Variants in CEACAM19 observed in about 807,000 individuals in gnomAD.
CEACAM19 encodes the protein cell adhesion molecule CEACAM19.
CEACAM19 carries 37 observed loss-of-function variants against 37.6 expected under a neutral mutation model. That is an observed-to-expected ratio of 0.98 (90% confidence interval 0.76 to 1.29). The LOEUF (loss-of-function observed/expected upper bound fraction) is 1.29, where lower values mean the gene tolerates loss of function less well. Among genes scored for constraint, CEACAM19 ranks in the 50% most tolerant of loss-of-function variants. CEACAM19 has a pLI of 0.00. For missense variants in CEACAM19, 340 were observed against 375.6 expected (o/e 0.91, Z 0.78); for synonymous variants, 140 against 149.8 (o/e 0.93, Z 0.48).
chr19:44,679,030 T>G, intron 4 of CEACAM19, 94 bp downstream of exon 4: 1 of 1,545,036 alleles, frequency 6.5e-7, no homozygotes, highest in Non-Finnish European at 8.8e-7. Context: ...TCTCACTCTG[T>G]TGCCAAGGTT....
chr19:44,681,106 G>T, intron 5 of CEACAM19, 121 bp from the exon 6 acceptor site: 1 of 711,648 alleles, frequency 1.4e-6, no homozygotes, highest in Non-Finnish European at 2.4e-6. Context: ...ACTGGGTTTG[G>T]CTAGAAGAAG....
rs761169127 is a variant in CEACAM19, at chr19:44,671,909, T to C, written c.-23T>C. ...CCTTAGTGTCCAGCTCGTGGCCCCT[T>C]GGCATTTCCACAAGACGCCAAGATG... On this transcript the variant is annotated 5_prime_UTR_variant, in exon 1 of 8. Coordinates refer to ENST00000358777, the MANE Select transcript of CEACAM19 (RefSeq NM_001127893.3). The C allele has an allele frequency of 3.1e-6, 5 of 1,597,380 alleles. No individual in the cohort carries two copies. The South Asian group carries it at 5.6e-5, about 18-fold the overall frequency.
chr19:44,666,286 G>A (rs1973713296), intron 1 of CEACAM19: 1 of 152,216 alleles, frequency 6.6e-6, no homozygotes, highest in Non-Finnish European at 1.5e-5. Flanking sequence ...CAGAATAGCT[G>A]GCTTTGCTTA....
Position 44,672,618 on chromosome 19 carries a change from G to GC in CEACAM19, c.79dup (p.Leu27ProfsTer103), listed in dbSNP as rs1451903708. On this transcript the variant is annotated frameshift_variant, in exon 2 of 8. Coordinates refer to ENST00000358777, the MANE Select transcript of CEACAM19 (RefSeq NM_001127893.3). LOFTEE classifies it high-confidence loss of function. ...CAGCCTCAATCCTGGTCCTCTGGAT[G>GC]CTCCAAGGCTCCCAGGCAGCTCTCT... The GC allele has an allele frequency of 1.4e-6, 2 of 1,475,022 alleles. No individual in the cohort carries two copies. The highest frequency in any genetic ancestry group is 1.8e-6 in the Non-Finnish European group (2 of 1,111,726). The allele number at this position is 1,475,022 out of a possible 1,614,324, so 91.4% of individuals were successfully genotyped here.
chr19:44,679,532 G>A (rs948817484), intron 4 of CEACAM19, among the ~76,000 whole-genome samples: 20 of 152,084 alleles, frequency 1.3e-4, no homozygotes, highest in African/African-American at 4.6e-4. Context: ...GGCGGATCAC[G>A]AGGTCAGGAA....
upstream of CEACAM19, among the ~76,000 whole-genome samples, chr19:44,669,055 A>C (rs1045628680): frequency 4.0e-5 from 6 of 151,334 alleles, no homozygotes; most frequent in African/African-American, 1.5e-4. Flanking sequence ...CCTGACCTCA[A>C]GTGATCTGCC....
chr19:44,681,172 G>A (rs1974050756), intron 5 of CEACAM19, 55 bp from the exon 6 acceptor site: 3 of 1,161,150 alleles, frequency 2.6e-6, no homozygotes, highest in African/African-American at 1.5e-5. Flanking sequence ...CAGGCAGTCA[G>A]AGTGGCCTGT....
At chr19:44,678,776 T>C in intron 3 of CEACAM19, 77 bp from the exon 4 acceptor site, 1 of 1,528,344 alleles carries the variant, frequency 6.5e-7, no homozygotes, top group Non-Finnish European at 8.9e-7. Flanking sequence ...TTTTCCTTCA[T>C]AGGGAAGGAT....
At chr19:44,677,208 T>C (rs1007952422) in intron 3 of CEACAM19, among the ~76,000 whole-genome samples, 33 of 152,188 alleles carry the variant, frequency 2.2e-4, no homozygotes, top group African/African-American at 7.7e-4. Flanking sequence ...TGACTTTTCA[T>C]GAACCAATCA....
At chr19:44,668,157 T>C (rs1357208256), upstream of CEACAM19, among the ~76,000 whole-genome samples, 7 of 85,076 alleles carry the variant, frequency 8.2e-5, no homozygotes, top group Admixed American at 2.3e-4. Context: ...TATATTTATA[T>C]GCTATATTAT....
At chr19:44,671,064 T>C (rs2123785279), upstream of CEACAM19, among the ~76,000 whole-genome samples, 1 of 150,986 alleles carries the variant, frequency 6.6e-6, no homozygotes, top group East Asian at 2.0e-4. Context: ...CACTCCAGCC[T>C]GGGCAACAAG....
At chr19:44,668,226 ATATTATATTTATATAATATGTTTATATAT>A (rs1477858816), upstream of CEACAM19, among the ~76,000 whole-genome samples, 17 of 85,290 alleles carry the variant, frequency 2.0e-4, no homozygotes, top group South Asian at 3.8e-4. Context: ...TAATATTTAT[ATATTATATTTATATAATATGTTTATATAT>A]TATTATATTT....
chr19:44,672,740 T>G lies in CEACAM19; in HGVS notation c.200T>G (p.Leu67Arg). ...ACCTTCCAGGACTTCAACTGGTACC[T>G]GGGGGAGGAGACGTACGGAGGCACG... ...PDTFQDFNWY[L>R]GEETYGGTRL... Residue 67 changes from leucine to arginine, a missense_variant, in exon 2 of 8, where the codon CTG becomes CGG. Transcript: ENST00000358777. 6.3e-7 allele frequency: 1 copy of G among 1,585,134 alleles called. No individual in the cohort carries two copies. The highest frequency in any genetic ancestry group is 8.6e-7 in the Non-Finnish European group (1 of 1,164,092).
upstream of CEACAM19, among the ~76,000 whole-genome samples, chr19:44,669,285 A>G (rs1004618889): frequency 6.6e-6 from 1 of 151,838 alleles, no homozygotes; most frequent in Non-Finnish European, 1.5e-5. Flanking sequence ...AGCCTACCTA[A>G]TTTTTTAAAT....
chr19:44,681,357 G>T, intron 6 of CEACAM19, 45 bp downstream of exon 6: 3 of 1,357,648 alleles, frequency 2.2e-6, no homozygotes, highest in Non-Finnish European at 3.1e-6. Flanking sequence ...ATGCTAACAG[G>T]CGCCTCCTCT....
intron 3 of CEACAM19, 133 bp from the exon 4 acceptor site, chr19:44,678,720 T>C (rs1031255019): frequency 7.7e-7 from 1 of 1,303,554 alleles, no homozygotes. Context: ...TACTATTTTT[T>C]TACTCAAAAC....
intron 5 of CEACAM19, 46 bp downstream of exon 5, chr19:44,680,380 T>G (rs376236147): frequency 5.3e-6 from 8 of 1,510,438 alleles, no homozygotes; most frequent in Middle Eastern, 3.8e-4. Flanking sequence ...TCCTCTCAGC[T>G]CCTCCTTTCT....
rs115388614 is a variant in CEACAM19, at chr19:44,680,621, C to T, written c.706+287C>T. On this transcript the variant is annotated intron_variant, in intron 5 of 7. Coordinates refer to ENST00000358777, the MANE Select transcript of CEACAM19 (RefSeq NM_001127893.3). Reference sequence around the variant, plus strand: ...TACCAGCCTCCTAGACCCCCCACACCCAGCTCCTCACTGGTCTCCCAGCCT... The same window carrying T: ...TACCAGCCTCCTAGACCCCCCACACTCAGCTCCTCACTGGTCTCCCAGCCT... Among the ~76,000 whole-genome samples the T allele has an allele frequency of 6.2e-3, 941 of 152,156 alleles. 7 individuals are homozygous for T. Among genetic ancestry groups the T allele is most frequent in the African/African-American group, 0.022 (894 of 41,472 alleles).
intron 4 of CEACAM19, 133 bp downstream of exon 4, chr19:44,679,069 C>G: frequency 7.4e-7 from 1 of 1,347,944 alleles, no homozygotes; most frequent in Non-Finnish European, 9.9e-7. Flanking sequence ...CGTAGCTCAC[C>G]GTAGCCTCGA....
Sources: gnomAD v4.1 joint callset for allele counts (sites outside exome capture counted in the v4.1 genomes callset) on GRCh38, gnomAD v4.1.1 for gene constraint, MANE v1.5 for transcripts, NCBI Gene and HGNC (gene_info 2026-07-23, HGNC 2026-07-21) for gene names.